MAP3K4: variants seen among roughly 807,000 people sequenced by gnomAD.
The protein encoded by MAP3K4 is MAP three kinase 1.
A neutral mutation model predicts 185.6 loss-of-function variants in MAP3K4; 67 were observed. That is an observed-to-expected ratio of 0.36 (90% confidence interval 0.30 to 0.44). MAP3K4 has a LOEUF of 0.44. Ranked by LOEUF, MAP3K4 falls within the 20% of genes least tolerant of loss-of-function variation. MAP3K4 has a pLI of 1.00. For missense variants in MAP3K4, 1,551 were observed against 1,995.1 expected, an observed-to-expected ratio of 0.78 and a Z score of 4.24; for synonymous variants, 702 against 710.4, an observed-to-expected ratio of 0.99 and a Z score of 0.19.
In MAP3K4 at chr6:161,098,363, C is replaced by T. The variant is rs769365322; in HGVS notation, c.3610C>T (p.Arg1204Trp). The T allele has an allele frequency of 3.0e-5, 49 of 1,613,628 alleles. No individual in the cohort carries two copies. The highest frequency in any genetic ancestry group is 8.9e-5 in the East Asian group (4 of 44,864). Residue 1204 changes from arginine to tryptophan, a missense_variant, in exon 17 of 27, where the codon CGG (arginine) becomes TGG (tryptophan). Arg to Trp is a moderately radical substitution (Grantham distance 101). Coordinates refer to ENST00000392142, the MANE Select transcript of MAP3K4 (RefSeq NM_005922.4). The surrounding 1 kb of genome is among the most constrained non-coding windows in gnomAD (Gnocchi z 4.4). ...TGCTGCTGCTGCTGTTGCTGCCAGTCGGCCCAGCCCCTCTGGTGGTGACTC... is the reference window on the plus strand; with the variant it reads ...TGCTGCTGCTGCTGTTGCTGCCAGTTGGCCCAGCCCCTCTGGTGGTGACTC... ...AAAAAAVAAS[R>W]PSPSGGDSVL...
At chr6:161,009,244 A>G (rs535983709) in intron 1 of MAP3K4, among the ~76,000 whole-genome samples, 2 of 152,248 alleles carry the variant, frequency 1.3e-5, no homozygotes, top group East Asian at 3.9e-4. Flanking sequence ...TCGGCCTCCC[A>G]AAGTGCTGGG....
At chr6:161,016,107 T>A (rs535996852) in intron 1 of MAP3K4, among the ~76,000 whole-genome samples, 1 of 152,298 alleles carries the variant, frequency 6.6e-6, no homozygotes, top group African/African-American at 2.4e-5. Flanking sequence ...CTGATTATAG[T>A]TTTGATTTGC....
chr6:161,007,205 A>G lies in MAP3K4; in HGVS notation c.152+15122A>G, dbSNP rs1315851567. Among the ~76,000 whole-genome samples, 1 of 152,192 alleles carries G rather than the reference A, an allele frequency of 6.6e-6. No homozygotes were observed. Among genetic ancestry groups the G allele is most frequent in the Non-Finnish European group, 1.5e-5 (1 of 68,034 alleles). On this transcript the variant is annotated intron_variant, in intron 1 of 26. Transcript: ENST00000392142. The surrounding 1 kb of genome is among the most constrained non-coding windows in gnomAD (Gnocchi z 4.5). ...GTGGAGTCAACAGGGATCTGAAGGC[A>G]AGGTCTTCATCCTGCTTGAGTCCTG...
At chr6:161,038,663 C>T (rs931523340) in intron 2 of MAP3K4, among the ~76,000 whole-genome samples, 1 of 152,196 alleles carries the variant, frequency 6.6e-6, no homozygotes, top group Non-Finnish European at 1.5e-5. Flanking sequence ...TTTTATTGCT[C>T]ATGATTCTGT....
At chr6:161,013,394 G>A (rs1289723096) in intron 1 of MAP3K4, among the ~76,000 whole-genome samples, 1 of 152,094 alleles carries the variant, frequency 6.6e-6, no homozygotes, top group African/African-American at 2.4e-5. Context: ...TATGGCTTAG[G>A]TAAATTTTTT....
At chr6:160,998,795 A>C (rs113302046) in intron 1 of MAP3K4, among the ~76,000 whole-genome samples, 1 of 152,224 alleles carries the variant, frequency 6.6e-6, no homozygotes, top group East Asian at 1.9e-4. Context: ...TGAAATGTCT[A>C]TATTTTAAAA....
chr6:161,073,655 C>CT lies in MAP3K4; in HGVS notation c.2097+50dup, dbSNP rs775953603. 26 of 1,581,712 alleles carry CT rather than the reference C, an allele frequency of 1.6e-5. No homozygotes were observed. In the African/African-American group the frequency reaches 2.6e-4, roughly 16 times the overall value. ...GGAATTTTTCTTTCTTTCTTTGTTT[C>CT]TTTTTTTAAAAAAGTAAGCCTGTAT... On this transcript the variant is annotated intron_variant, in intron 5 of 26. Coordinates refer to ENST00000392142, the MANE Select transcript of MAP3K4 (RefSeq NM_005922.4). This position sits in a 1 kb window ranked among gnomAD's most constrained non-coding sequence, Gnocchi z 4.2.
rs576101611 is a variant in MAP3K4 at position 161,062,994 on chromosome 6, C to T, written c.1708-7614C>T. On this transcript the variant is annotated intron_variant, in intron 3 of 26. Transcript: ENST00000392142. ...CTTTATATATTTTGGATCTACTTTGCCTGTCTTCTCTGTCATTTCATTTCA... is the reference window on the plus strand; with the variant it reads ...CTTTATATATTTTGGATCTACTTTGTCTGTCTTCTCTGTCATTTCATTTCA... 3.3e-5 allele frequency among the ~76,000 whole-genome samples: 5 copies of T among 152,022 alleles called. No individual in the cohort carries two copies. In the East Asian group the frequency reaches 9.7e-4, roughly 29 times the overall value.
rs1239603622 is a variant in MAP3K4 at position 160,996,649 on chromosome 6, G to A, written c.152+4566G>A. 6.6e-6 allele frequency among the ~76,000 whole-genome samples: 1 copy of A among 152,110 alleles called. No individual in the cohort carries two copies. Among genetic ancestry groups the A allele is most frequent in the Admixed American group, 6.6e-5 (1 of 15,264 alleles). On this transcript the variant is annotated intron_variant, in intron 1 of 26. Transcript: ENST00000392142. The surrounding 1 kb of genome is among the most constrained non-coding windows in gnomAD (Gnocchi z 4.5). ...TTTCTTTAAAGAGAAAATGGAAAAC[G>A]TGAGAGAAGGAGATTAGCTGAAGAC...
Position 161,093,200 on chromosome 6 carries a change from T to C in MAP3K4, c.3348+144T>C, listed in dbSNP as rs1018499366. The C allele has an allele frequency of 1.3e-5, 8 of 597,856 alleles. No homozygotes were observed. The South Asian group carries it at 1.9e-4, about 14-fold the overall frequency. The allele number at this position is 597,856 out of a possible 1,614,324, so 37.0% of individuals were successfully genotyped here. On this transcript the variant is annotated intron_variant, in intron 14 of 26. Transcript: ENST00000392142. The surrounding 1 kb of genome is among the most constrained non-coding windows in gnomAD (Gnocchi z 5.2). ...TCATGTAATGATAATGCTGAGAAAT[T>C]AAAGTACTCCTCATAGCAGAGTAAG...
At chr6:161,030,847 G>C (rs1425314610) in intron 1 of MAP3K4, among the ~76,000 whole-genome samples, 1 of 152,186 alleles carries the variant, frequency 6.6e-6, no homozygotes, top group Non-Finnish European at 1.5e-5. Context: ...TGCTTGGATG[G>C]AATGTAAACC....
At chr6:161,105,895 G>C (rs564460401) in intron 19 of MAP3K4, among the ~76,000 whole-genome samples, 1 of 150,670 alleles carries the variant, frequency 6.6e-6, no homozygotes, top group Non-Finnish European at 1.5e-5. Context: ...GAGTGCAGTG[G>C]TGCAATCTTG....
chr6:161,102,000 T>C lies in MAP3K4; in HGVS notation c.3775+8T>C. The C allele has an allele frequency of 6.2e-7, 1 of 1,608,596 alleles. No individual in the cohort carries two copies. Among genetic ancestry groups the C allele is most frequent in the Non-Finnish European group, 8.5e-7 (1 of 1,175,122 alleles). ...CCACGGAGGAGCGAGATGGTGAGTG[T>C]TTTAAGGTGTTAGCTGCATTCACAA... On this transcript the variant is annotated splice_region_variant and intron_variant, in intron 18 of 26. Coordinates refer to ENST00000392142, the MANE Select transcript of MAP3K4 (RefSeq NM_005922.4). The surrounding 1 kb of genome is among the most constrained non-coding windows in gnomAD (Gnocchi z 5.1).
rs1785698099 is a variant in MAP3K4 at position 161,086,077 on chromosome 6, C to G, written c.2373-302C>G. On this transcript the variant is annotated intron_variant, in intron 7 of 26. Coordinates refer to ENST00000392142, the MANE Select transcript of MAP3K4 (RefSeq NM_005922.4). This position sits in a 1 kb window ranked among gnomAD's most constrained non-coding sequence, Gnocchi z 4.8. ...ACGAGCCAGGAGTTAAGAACTTAAC[C>G]TTAAACTCCAAGAAATGATCATAAT... 6.6e-6 allele frequency among the ~76,000 whole-genome samples: 1 copy of G among 152,068 alleles called. No homozygotes were observed. The highest frequency in any genetic ancestry group is 6.5e-5 in the Admixed American group (1 of 15,276).
intron 25 of MAP3K4, among the ~76,000 whole-genome samples, chr6:161,113,927 A>G (rs1281091111): frequency 6.7e-6 from 1 of 150,278 alleles, no homozygotes; most frequent in Non-Finnish European, 1.5e-5. Flanking sequence ...CCTCCCAAGT[A>G]GCTGGGATTA....
rs773468092 is a variant in MAP3K4, at chr6:161,111,969, G to A, written c.4519+11G>A. ...CCCTGGGGACAGCAGGTAGGGACCA[G>A]CCTGGTTGTTCTTTGCACTCTGACT... On this transcript the variant is annotated intron_variant, in intron 24 of 26. Coordinates refer to ENST00000392142, the MANE Select transcript of MAP3K4 (RefSeq NM_005922.4). The A allele has an allele frequency of 3.5e-5, 56 of 1,613,316 alleles. No homozygotes were observed. The highest frequency in any genetic ancestry group is 4.7e-5 in the Non-Finnish European group (56 of 1,179,698).
chr6:161,009,116 C>T (rs1377916506), intron 1 of MAP3K4, among the ~76,000 whole-genome samples: 1 of 151,830 alleles, frequency 6.6e-6, no homozygotes, highest in African/African-American at 2.4e-5. Context: ...TCCCTAGTAG[C>T]TGGGACTACA....
chr6:160,993,983 A>G (rs891487442), intron 1 of MAP3K4, among the ~76,000 whole-genome samples: 25 of 152,308 alleles, frequency 1.6e-4, no homozygotes, highest in African/African-American at 6.0e-4. Flanking sequence ...TTCAATACAT[A>G]GAACTGACCT....
rs1431535086 is a variant in MAP3K4 at position 161,022,755 on chromosome 6, A to G, written c.153-11504A>G. On this transcript the variant is annotated intron_variant, in intron 1 of 26. Coordinates refer to ENST00000392142, the MANE Select transcript of MAP3K4 (RefSeq NM_005922.4). The surrounding 1 kb of genome is among the most constrained non-coding windows in gnomAD (Gnocchi z 4.2). ...AGGAATCCTTGGGTACCTCGCATGT[A>G]ACAGAGCACCTCCCATCATCAATAA... is the stretch of plus-strand genomic sequence containing the variant. Among the ~76,000 whole-genome samples the G allele has an allele frequency of 3.9e-5, 6 of 152,138 alleles. No individual in the cohort carries two copies. Among genetic ancestry groups the G allele is most frequent in the Non-Finnish European group, 8.8e-5 (6 of 68,024 alleles).
Sources: gnomAD v4.1 joint callset for allele counts (sites outside exome capture counted in the v4.1 genomes callset) on GRCh38, gnomAD v4.1.1 for gene constraint, Gnocchi (gnomAD v3.1) non-coding constraint, MANE v1.5 for transcripts, NCBI Gene and HGNC (gene_info 2026-07-23, HGNC 2026-07-21) for gene names.